RAB5C: variants seen among roughly 807,000 people sequenced by gnomAD.
The protein encoded by RAB5C is RAB5C, member RAS oncogene family, also known as ras-related protein Rab-5C.
RAB5C carries 4 observed loss-of-function variants against 25.2 expected under a neutral mutation model. The observed-to-expected ratio is 0.16, with a 90% CI of 0.08 to 0.36. The LOEUF is 0.36. Among genes scored for constraint, RAB5C ranks in the 10% least tolerant of loss-of-function variants. The probability of loss-of-function intolerance (pLI) is 1.00; values close to 1 mark genes in which losing one functional copy is unlikely to be tolerated. For missense variants in RAB5C, 199 were observed against 283.8 expected (o/e 0.70, Z 2.15); for synonymous variants, 100 against 106.4 (o/e 0.94, Z 0.37).
chr17:42,144,053 T>C (rs2079617653), intron 1 of RAB5C, among the ~76,000 whole-genome samples: 1 of 152,138 alleles, frequency 6.6e-6, no homozygotes, highest in African/African-American at 2.4e-5. Flanking sequence ...CCCCAAGTGC[T>C]GGGAATACAA....
intron 1 of RAB5C, among the ~76,000 whole-genome samples, chr17:42,146,994 C>T (rs1485783095): frequency 3.5e-5 from 5 of 141,594 alleles, no homozygotes; most frequent in Admixed American, 7.4e-5. Context: ...GGCAAGACTT[C>T]GTCAAGAAAG....
chr17:42,126,978 G>A (rs1270356729), intron 4 of RAB5C, 130 bp from the exon 5 acceptor site: 8 of 550,548 alleles, frequency 1.5e-5, no homozygotes, highest in Admixed American at 1.1e-4. Context: ...ACACACAGGA[G>A]TTTTCAGGCC....
intron 1 of RAB5C, among the ~76,000 whole-genome samples, chr17:42,142,236 T>C (rs1320258282): frequency 2.0e-5 from 3 of 150,760 alleles, no homozygotes; most frequent in South Asian, 2.1e-4. Context: ...GGTTTCATCA[T>C]GTTGCCCAGG....
In RAB5C at chr17:42,125,599, C is replaced by T. The variant is rs2054411422; in HGVS notation, c.*184G>A. On this transcript the variant is annotated 3_prime_UTR_variant, in exon 6 of 6. Transcript: ENST00000346213. ...ACTTAAAATTGAATTAGTATTTGTACAGAAAGGTGCAGGTGGAATGACTCA... is the reference window on the plus strand; with the variant it reads ...ACTTAAAATTGAATTAGTATTTGTATAGAAAGGTGCAGGTGGAATGACTCA... 2 of 571,440 alleles carry T rather than the reference C, an allele frequency of 3.5e-6. No homozygotes were observed. Among genetic ancestry groups the T allele is most frequent in the Non-Finnish European group, 6.2e-6 (2 of 321,072 alleles). 35.4% of individuals were successfully genotyped at this position (571,440 alleles called of 1,614,324 possible). A position where few individuals can be genotyped will look rare whatever the true frequency, so the allele number is the denominator to read the frequency against.
intron 1 of RAB5C, among the ~76,000 whole-genome samples, chr17:42,138,362 G>C (rs2054558578): frequency 6.6e-6 from 1 of 152,196 alleles, no homozygotes. Flanking sequence ...CCCAGGGTGA[G>C]ATCTAGCCGA....
intron 1 of RAB5C, among the ~76,000 whole-genome samples, chr17:42,152,476 T>C (rs2079678107): frequency 6.6e-6 from 1 of 152,154 alleles, no homozygotes; most frequent in Non-Finnish European, 1.5e-5. Context: ...ATGGCAGAGC[T>C]TCCCCTTCAA....
In RAB5C at chr17:42,126,871, G is replaced by A. The variant is rs1486250286; in HGVS notation, c.442-23C>T. The A allele has an allele frequency of 1.3e-5, 20 of 1,543,896 alleles. No homozygotes were observed. The East Asian group carries it at 4.5e-4, about 35-fold the overall frequency. ...TTCCTGGTTTGGATGGAGGTGAGAG[G>A]AGGTGAGAGGGAAATGTTGGCAGGG... On this transcript the variant is annotated intron_variant, in intron 4 of 5. Transcript: ENST00000346213.
At chr17:42,138,360 G>A (rs1380808992) in intron 1 of RAB5C, among the ~76,000 whole-genome samples, 1 of 152,226 alleles carries the variant, frequency 6.6e-6, no homozygotes, top group African/African-American at 2.4e-5. Context: ...AGCCCAGGGT[G>A]AGATCTAGCC....
intron 1 of RAB5C, among the ~76,000 whole-genome samples, chr17:42,134,210 G>A (rs2054514149): frequency 6.6e-6 from 1 of 152,128 alleles, no homozygotes; most frequent in Non-Finnish European, 1.5e-5. Flanking sequence ...AGACATGGCA[G>A]GTAGTAAAGG....
Position 42,152,903 on chromosome 17 carries a change from G to A in RAB5C, c.-89+1990C>T, listed in dbSNP as rs181811458. ...CACTCCTGAAGAGTGACAAACTGCG[G>A]TCTACTCCTGAAGACCTAAGTCTGG... is the stretch of plus-strand genomic sequence containing the variant. On this transcript the variant is annotated intron_variant, in intron 1 of 5. Coordinates refer to ENST00000346213, the MANE Select transcript of RAB5C (RefSeq NM_004583.4). 4.6e-5 allele frequency among the ~76,000 whole-genome samples: 7 copies of A among 152,316 alleles called. No homozygotes were observed. In the South Asian group the frequency reaches 6.2e-4, roughly 14 times the overall value.
At chr17:42,126,470 A>G in intron 5 of RAB5C, 1 of 212,014 alleles carries the variant, frequency 4.7e-6, no homozygotes, top group Non-Finnish European at 9.6e-6. Flanking sequence ...GTCTCTACCA[A>G]AAATACAAAA....
intron 1 of RAB5C, among the ~76,000 whole-genome samples, chr17:42,133,375 C>T (rs959287129): frequency 1.3e-5 from 2 of 152,068 alleles, no homozygotes; most frequent in Non-Finnish European, 2.9e-5. Flanking sequence ...ACCTACAGGT[C>T]GAGAAAAATA....
intron 1 of RAB5C, among the ~76,000 whole-genome samples, chr17:42,142,960 T>G (rs918062426): frequency 6.6e-6 from 1 of 152,112 alleles, no homozygotes; most frequent in Non-Finnish European, 1.5e-5. Flanking sequence ...GCACCTGAAA[T>G]AGAGAACGAT....
At chr17:42,139,294 G>C (rs1279073524) in intron 1 of RAB5C, among the ~76,000 whole-genome samples, 3 of 152,218 alleles carry the variant, frequency 2.0e-5, no homozygotes, top group Non-Finnish European at 2.9e-5. Flanking sequence ...AGGTAGCACG[G>C]AAGGCCCACA....
chr17:42,148,333 A>G (rs1035055139), intron 1 of RAB5C, among the ~76,000 whole-genome samples: 1 of 135,620 alleles, frequency 7.4e-6, no homozygotes, highest in Non-Finnish European at 1.5e-5. Context: ...TGAACCCAGG[A>G]GGCGGAGGTT....
chr17:42,142,252 C>A (rs1212576540), intron 1 of RAB5C, among the ~76,000 whole-genome samples: 1 of 151,540 alleles, frequency 6.6e-6, no homozygotes, highest in Non-Finnish European at 1.5e-5. Flanking sequence ...CCAGGCTGAT[C>A]TCAAACTCCT....
intron 1 of RAB5C, among the ~76,000 whole-genome samples, chr17:42,151,753 A>T (rs1253420711): frequency 6.6e-6 from 1 of 152,168 alleles, no homozygotes; most frequent in East Asian, 1.9e-4. Context: ...GCAAACTCTC[A>T]GGCCCTGAAG....
chr17:42,151,355 T>C (rs947038130), intron 1 of RAB5C, among the ~76,000 whole-genome samples: 16 of 151,750 alleles, frequency 1.1e-4, no homozygotes, highest in Middle Eastern at 3.4e-3. Context: ...GAGAATGGCA[T>C]GAACCCGGGA....
intron 1 of RAB5C, among the ~76,000 whole-genome samples, chr17:42,144,368 A>G (rs2079619536): frequency 6.6e-6 from 1 of 152,008 alleles, no homozygotes; most frequent in Non-Finnish European, 1.5e-5. Flanking sequence ...CAGGCAGGAG[A>G]ATCGCTTGAA....
Sources: allele counts gnomAD v4.1 joint callset (sites outside exome capture counted in the v4.1 genomes callset), GRCh38; gene constraint gnomAD v4.1.1; transcripts MANE v1.5; gene names NCBI Gene and HGNC (gene_info 2026-07-23, HGNC 2026-07-21).